The following TMEM125 variants were observed in gnomAD, a reference collection of about 807,000 sequenced individuals.
TMEM125 encodes transmembrane protein 125.
Under a neutral mutation model 8.7 loss-of-function variants are expected in TMEM125, and 11 were observed. That is an observed-to-expected ratio of 1.26 (90% confidence interval 0.79 to 2.08). The LOEUF (loss-of-function observed/expected upper bound fraction) is 2.08. Among genes scored for constraint, TMEM125 ranks in the 30% most tolerant of loss-of-function variants. The pLI is 0.00. For synonymous variants in TMEM125, 144 were observed against 146.1 expected (o/e 0.99, Z 0.10); for missense variants, 270 against 302.4 (o/e 0.89, Z 0.79).
rs1646490998 is a variant in TMEM125, at chr1:43,271,529, T to C, written c.-301-655T>C. 6.6e-6 allele frequency among the ~76,000 whole-genome samples: 1 copy of C among 152,224 alleles called. No homozygotes were observed. The highest frequency in any genetic ancestry group is 1.5e-5 in the Non-Finnish European group (1 of 68,034). ...TTGCCCAATGTGAGACATGCTTTCCTCTGGAGGACAGGTTAAATCAGCAGC... is the reference window on the plus strand; with the variant it reads ...TTGCCCAATGTGAGACATGCTTTCCCCTGGAGGACAGGTTAAATCAGCAGC... On this transcript the variant is annotated intron_variant, in intron 2 of 3. Coordinates refer to ENST00000439858, the MANE Select transcript of TMEM125 (RefSeq NM_144626.3). This position sits in a 1 kb window ranked among gnomAD's most constrained non-coding sequence, Gnocchi z 4.9.
In TMEM125 at chr1:43,273,459, C is replaced by A; in HGVS notation, c.*77C>A. ...GAGCCAGGGTGTGAGTGCATGTGAA[C>A]GTTGAGTACACATGAGTGCGTGTAT... On this transcript the variant is annotated 3_prime_UTR_variant, in exon 4 of 4. Coordinates refer to ENST00000439858, the MANE Select transcript of TMEM125 (RefSeq NM_144626.3). The A allele has an allele frequency of 2.6e-6, 4 of 1,521,078 alleles. No individual in the cohort carries two copies. The Admixed American group carries it at 7.6e-5, about 29-fold the overall frequency. The allele number at this position is 1,521,078 out of a possible 1,614,324, so 94.2% of individuals were successfully genotyped here.
Position 43,272,748 on chromosome 1 carries a change from C to CA in TMEM125, c.27dup (p.Gly10ArgfsTer56). On this transcript the variant is annotated frameshift_variant, in exon 4 of 4. Transcript: ENST00000439858. LOFTEE classifies it high-confidence loss of function. The surrounding 1 kb of genome is among the most constrained non-coding windows in gnomAD (Gnocchi z 5.0). ...ATGTCTGAACAGGAGGCTCAAGCCC[C>CA]AGGGGGCCGGGGGCTGCCCCCGGAC... 2.0e-6 allele frequency: 3 copies of CA among 1,513,532 alleles called. No homozygotes were observed. The highest frequency in any genetic ancestry group is 2.6e-6 in the Non-Finnish European group (3 of 1,132,090). 93.8% of individuals were successfully genotyped at this position (1,513,532 alleles called of 1,614,324 possible). A position where few individuals can be genotyped will look rare whatever the true frequency, so the allele number is the denominator to read the frequency against.
At position 43,271,862 on chromosome 1, in the gene TMEM125, C is replaced by T. The variant is rs998267853; in HGVS notation, c.-301-322C>T. 6.6e-6 allele frequency among the ~76,000 whole-genome samples: 1 copy of T among 152,152 alleles called. No individual in the cohort carries two copies. Among genetic ancestry groups the T allele is most frequent in the Non-Finnish European group, 1.5e-5 (1 of 68,032 alleles). On this transcript the variant is annotated intron_variant, in intron 2 of 3. Transcript: ENST00000439858. This position sits in a 1 kb window ranked among gnomAD's most constrained non-coding sequence, Gnocchi z 4.9. ...GGCTGAGAGGGCAGTGATGCCATGCCTGAAGTGAGGAACGCAGAAGGAACA... is the reference window on the plus strand; with the variant it reads ...GGCTGAGAGGGCAGTGATGCCATGCTTGAAGTGAGGAACGCAGAAGGAACA...
chr1:43,271,876 G>A lies in TMEM125; in HGVS notation c.-301-308G>A, dbSNP rs954171426. Among the ~76,000 whole-genome samples the A allele has an allele frequency of 7.3e-4, 111 of 152,316 alleles. No individual in the cohort carries two copies. Among genetic ancestry groups the A allele is most frequent in the African/African-American group, 2.6e-3 (107 of 41,554 alleles). On this transcript the variant is annotated intron_variant, in intron 2 of 3. Transcript: ENST00000439858. The surrounding 1 kb of genome is among the most constrained non-coding windows in gnomAD (Gnocchi z 4.9). Reference sequence around the variant, plus strand: ...TGATGCCATGCCTGAAGTGAGGAACGCAGAAGGAACAGGTTGGAGTAAGAC... The same window carrying A: ...TGATGCCATGCCTGAAGTGAGGAACACAGAAGGAACAGGTTGGAGTAAGAC...
chr1:43,273,421 C>A lies in TMEM125; in HGVS notation c.*39C>A, dbSNP rs766647593. 2.5e-6 allele frequency: 4 copies of A among 1,580,472 alleles called. No homozygotes were observed. Among genetic ancestry groups the A allele is most frequent in the African/African-American group, 2.7e-5 (2 of 74,364 alleles). On this transcript the variant is annotated 3_prime_UTR_variant, in exon 4 of 4. Transcript: ENST00000439858. ...GTCCTTCTTCTCACAGCGGCCTCAG[C>A]GTCCCCAGAGCCGAGCCAGGGTGTG...
At position 43,272,922 on chromosome 1, in the gene TMEM125, G is replaced by A. The variant is rs769450678; in HGVS notation, c.200G>A (p.Arg67Gln). The part of the protein sequence containing the change: ...STTSSRSGEW[R>Q]LATGTVLCLL... ...ACCAGCAGCCGCTCAGGTGAATGGC[G>A]GCTAGCAACGGGCACTGTGCTCTGT... The change falls in exon 4 of 4, where the codon CGG becomes CAG. Residue 67 changes from arginine (R) to glutamine (Q), a missense_variant. Arg to Gln is a conservative substitution (Grantham distance 43). Around this residue, in one of 3 missense-constraint regions of TMEM125, gnomAD observed 215 missense variants for 216.5 expected, o/e 0.99. Transcript: ENST00000439858. This position sits in a 1 kb window ranked among gnomAD's most constrained non-coding sequence, Gnocchi z 5.0. 1.0e-5 allele frequency: 16 copies of A among 1,599,150 alleles called. No individual in the cohort carries two copies. Among genetic ancestry groups the A allele is most frequent in the South Asian group, 6.7e-5 (6 of 89,898 alleles).
rs1646488855 is a variant in TMEM125, at chr1:43,271,205, ATCT to A, written c.-302+413_-302+415del. On this transcript the variant is annotated intron_variant, in intron 2 of 3. Transcript: ENST00000439858. The surrounding 1 kb of genome is among the most constrained non-coding windows in gnomAD (Gnocchi z 4.9). ...TGTATTCAAAAAGCACGCTTTGAGC[ATCT>A]ATGCAGGCTCTAGGCCCCACTGGAA... is the stretch of plus-strand genomic sequence containing the variant. 3 of 152,278 alleles carry A rather than the reference ATCT, an allele frequency of 2.0e-5. No homozygotes were observed. Among genetic ancestry groups the A allele is most frequent in the Admixed American group, 2.0e-4 (3 of 15,286 alleles). 9.4% of individuals were successfully genotyped at this position (152,278 alleles called of 1,614,324 possible). A position where few individuals can be genotyped will look rare whatever the true frequency, so the allele number is the denominator to read the frequency against.
rs1646498981 is a variant in TMEM125 at position 43,272,597 on chromosome 1, G to C, written c.-126G>C. The C allele has an allele frequency of 1.2e-6, 1 of 820,582 alleles. No individual in the cohort carries two copies. The highest frequency in any genetic ancestry group is 1.8e-6 in the Non-Finnish European group (1 of 566,684). 50.8% of individuals were successfully genotyped at this position (820,582 alleles called of 1,614,324 possible). A position where few individuals can be genotyped will look rare whatever the true frequency, so the allele number is the denominator to read the frequency against. The stretch of plus-strand genomic sequence containing the variant: ...CTACAGGTGAGGGTGACCATATCCT[G>C]GACTGTGAGAGGAATGGGACTCTGG... On this transcript the variant is annotated 5_prime_UTR_variant, in exon 4 of 4. Transcript: ENST00000439858. This position sits in a 1 kb window ranked among gnomAD's most constrained non-coding sequence, Gnocchi z 5.0.
chr1:43,272,878 C>T lies in TMEM125; in HGVS notation c.156C>T (p.Gly52=), dbSNP rs374330809. Residue 52 remains glycine, a synonymous_variant, in exon 4 of 4, where the codon GGC becomes GGT. Coordinates refer to ENST00000439858, the MANE Select transcript of TMEM125 (RefSeq NM_144626.3). The surrounding 1 kb of genome is among the most constrained non-coding windows in gnomAD (Gnocchi z 5.0). The part of the protein sequence containing the change: ...VGLVAGCGAG[G]VALLSTTSSR... ...TCGTGGCAGGCTGTGGCGCGGGCGG[C>T]GTGGCACTGCTGTCAACCACCAGCA... The T allele has an allele frequency of 2.0e-5, 32 of 1,585,968 alleles. No homozygotes were observed. The highest frequency in any genetic ancestry group is 1.6e-4 in the African/African-American group (12 of 74,526).
Position 43,272,834 on chromosome 1 carries a change from T to C in TMEM125, c.112T>C (p.Phe38Leu), listed in dbSNP as rs1369241573. 10 of 1,575,590 alleles carry C rather than the reference T, an allele frequency of 6.3e-6. No homozygotes were observed. The highest frequency in any genetic ancestry group is 1.3e-5 in the African/African-American group (1 of 74,340). Residue 38 changes from phenylalanine (F) to leucine (L), a missense_variant, in exon 4 of 4, where the codon TTC (phenylalanine) becomes CTC (leucine). Physicochemically the swap from Phe to Leu is conservative, Grantham distance 22. Transcript: ENST00000439858. This position sits in a 1 kb window ranked among gnomAD's most constrained non-coding sequence, Gnocchi z 5.0. ...SQQPRRSALCFVVAVGLVAGC... is the reference protein window; with the variant it reads ...SQQPRRSALCLVVAVGLVAGC... ...GCAGCCGCGGCGCTCGGCGCTCTGC[T>C]TCGTCGTGGCCGTGGGCCTCGTGGC... is the stretch of plus-strand genomic sequence containing the variant.
rs1646511846 is a variant in TMEM125 at position 43,273,691 on chromosome 1, C to T, written c.*309C>T. On this transcript the variant is annotated 3_prime_UTR_variant, in exon 4 of 4. Transcript: ENST00000439858. Reference sequence around the variant, plus strand: ...ATTCTTGAGCCCCATTTCCAAGACCCCTCACATCCAATCCTGTCCTGTAAC... The same window carrying T: ...ATTCTTGAGCCCCATTTCCAAGACCTCTCACATCCAATCCTGTCCTGTAAC... 2.3e-6 allele frequency: 1 copy of T among 440,788 alleles called. No homozygotes were observed. The highest frequency in any genetic ancestry group is 4.3e-6 in the Non-Finnish European group (1 of 232,162). The allele number at this position is 440,788 out of a possible 1,614,324, so 27.3% of individuals were successfully genotyped here.
rs899558264 is a variant in TMEM125, at chr1:43,273,689, C to T, written c.*307C>T. On this transcript the variant is annotated 3_prime_UTR_variant, in exon 4 of 4. Coordinates refer to ENST00000439858, the MANE Select transcript of TMEM125 (RefSeq NM_144626.3). ...AGATTCTTGAGCCCCATTTCCAAGA[C>T]CCCTCACATCCAATCCTGTCCTGTA... The T allele has an allele frequency of 7.5e-5, 33 of 441,356 alleles. No individual in the cohort carries two copies. The highest frequency in any genetic ancestry group is 3.0e-5 in the Non-Finnish European group (7 of 232,498). The allele number at this position is 441,356 out of a possible 1,614,324, so 27.3% of individuals were successfully genotyped here.
chr1:43,273,433 C>T lies in TMEM125; in HGVS notation c.*51C>T, dbSNP rs370543654. 36 of 1,564,744 alleles carry T rather than the reference C, an allele frequency of 2.3e-5. No individual in the cohort carries two copies. In the Middle Eastern group the frequency reaches 5.1e-4, roughly 22 times the overall value. On this transcript the variant is annotated 3_prime_UTR_variant, in exon 4 of 4. Coordinates refer to ENST00000439858, the MANE Select transcript of TMEM125 (RefSeq NM_144626.3). ...ACAGCGGCCTCAGCGTCCCCAGAGC[C>T]GAGCCAGGGTGTGAGTGCATGTGAA...
Position 43,273,357 on chromosome 1 carries a change from C to T in TMEM125, c.635C>T (p.Thr212Ile). The change falls in exon 4 of 4, where the codon ACA becomes ATA. Residue 212 changes from threonine to isoleucine, a missense_variant. Transcript: ENST00000439858. ...QLSAGRRHET[T>I]SSIASLI The stretch of plus-strand genomic sequence containing the variant: ...TCTGCTGGCCGGCGTCACGAGACCA[C>T]ATCCAGCATTGCCAGCCTCATCTGA... The T allele has an allele frequency of 1.2e-6, 2 of 1,609,108 alleles. No homozygotes were observed. The highest frequency in any genetic ancestry group is 8.5e-7 in the Non-Finnish European group (1 of 1,175,826).
chr1:43,271,657 TGGA>T lies in TMEM125; in HGVS notation c.-301-520_-301-518del, dbSNP rs1305523390. ...CCTTTGCTCCACTTTAGAGAAATCG[TGGA>T]GGAGGATGGCATGGGGGAATGGCGA... is the stretch of plus-strand genomic sequence containing the variant. On this transcript the variant is annotated intron_variant, in intron 2 of 3. Coordinates refer to ENST00000439858, the MANE Select transcript of TMEM125 (RefSeq NM_144626.3). This position sits in a 1 kb window ranked among gnomAD's most constrained non-coding sequence, Gnocchi z 4.9. Among the ~76,000 whole-genome samples, 1 of 151,978 alleles carries T rather than the reference TGGA, an allele frequency of 6.6e-6. No homozygotes were observed. The highest frequency in any genetic ancestry group is 1.5e-5 in the Non-Finnish European group (1 of 67,974).
rs1570405106 is a variant in TMEM125 at position 43,273,028 on chromosome 1, T to A, written c.306T>A (p.His102Gln). 2 of 1,612,454 alleles carry A rather than the reference T, an allele frequency of 1.2e-6. No individual in the cohort carries two copies. The highest frequency in any genetic ancestry group is 1.7e-4 in the Middle Eastern group (1 of 6,050). The change falls in exon 4 of 4, where the codon CAT (histidine) becomes CAA (glutamine). Residue 102 changes from histidine (H) to glutamine (Q), a missense_variant. Physicochemically the swap from His to Gln is conservative, Grantham distance 24. Coordinates refer to ENST00000439858, the MANE Select transcript of TMEM125 (RefSeq NM_144626.3). ...TGAACTGCATCCGCCAGGCCCACCA[T>A]GTGGCCCTGCTGCGCAGTGGTGGAG... ...QDMNCIRQAH[H>Q]VALLRSGGGA...
Position 43,273,128 on chromosome 1 carries a change from G to T in TMEM125, c.406G>T (p.Ala136Ser), listed in dbSNP as rs144559120. The part of the protein sequence containing the change: ...VTGLTLAGLA[A>S]APAPARPLAA... The stretch of plus-strand genomic sequence containing the variant: ...CGGCCTGACCCTGGCCGGGCTGGCC[G>T]CCGCCCCTGCCCCTGCTCGGCCGCT... Residue 136 changes from alanine (A) to serine (S), a missense_variant, in exon 4 of 4, where the codon GCC (alanine) becomes TCC (serine). Transcript: ENST00000439858. 1.2e-6 allele frequency: 2 copies of T among 1,610,586 alleles called. No individual in the cohort carries two copies. Among genetic ancestry groups the T allele is most frequent in the African/African-American group, 2.7e-5 (2 of 74,856 alleles).
rs1305943008 is a variant in TMEM125, at chr1:43,273,885, G to T, written c.*503G>T. The T allele has an allele frequency of 1.2e-5, 2 of 173,490 alleles. No individual in the cohort carries two copies. Among genetic ancestry groups the T allele is most frequent in the Non-Finnish European group, 1.4e-5 (1 of 72,120 alleles). 10.7% of individuals were successfully genotyped at this position (173,490 alleles called of 1,614,324 possible). On this transcript the variant is annotated 3_prime_UTR_variant, in exon 4 of 4. Transcript: ENST00000439858. The stretch of plus-strand genomic sequence containing the variant: ...GCACTAGCAGCTGGAGGAGTTGGGA[G>T]TTCATGGCTATCATGGTTGTGTTAA...
chr1:43,273,443 T>A lies in TMEM125; in HGVS notation c.*61T>A. On this transcript the variant is annotated 3_prime_UTR_variant, in exon 4 of 4. Transcript: ENST00000439858. ...CAGCGTCCCCAGAGCCGAGCCAGGGTGTGAGTGCATGTGAACGTTGAGTAC... is the reference window on the plus strand; with the variant it reads ...CAGCGTCCCCAGAGCCGAGCCAGGGAGTGAGTGCATGTGAACGTTGAGTAC... 1 of 1,544,412 alleles carries A rather than the reference T, an allele frequency of 6.5e-7. No homozygotes were observed. The highest frequency in any genetic ancestry group is 8.8e-7 in the Non-Finnish European group (1 of 1,140,294).
Sources: gnomAD v4.1 joint callset for allele counts (sites outside exome capture counted in the v4.1 genomes callset) on GRCh38, gnomAD v4.1.1 for gene constraint, gnomAD v4.1.1 regional missense constraint, Gnocchi (gnomAD v3.1) non-coding constraint, MANE v1.5 for transcripts, NCBI Gene and HGNC (gene_info 2026-07-23, HGNC 2026-07-21) for gene names.